The following ZNF704 variants were observed in gnomAD, a reference collection of about 807,000 sequenced individuals.
The protein encoded by ZNF704 is zinc finger protein 704, also known as glucocorticoid induced gene 1.
In ZNF704, 10 loss-of-function variants were observed where a neutral mutation model predicts 44.7. That is an observed-to-expected ratio of 0.22 (90% CI 0.14 to 0.38). The LOEUF (loss-of-function observed/expected upper bound fraction) is 0.38. Ranked by LOEUF, ZNF704 falls within the 10% of genes least tolerant of loss-of-function variation. ZNF704 has a pLI of 1.00. For missense variants in ZNF704, 390 were observed against 545.5 expected (o/e 0.71, Z 2.84); for synonymous variants, 211 against 207.6 (o/e 1.02, Z -0.14).
chr8:80,775,174 T>C (rs953714434), intron 2 of ZNF704, among the ~76,000 whole-genome samples: 2 of 152,172 alleles, frequency 1.3e-5, no homozygotes, highest in African/African-American at 4.8e-5. Context: ...CCCAACAAAG[T>C]AGTTGGTATT....
intron 2 of ZNF704, among the ~76,000 whole-genome samples, chr8:80,731,471 C>G (rs1806580776): frequency 6.6e-6 from 1 of 152,026 alleles, no homozygotes; most frequent in African/African-American, 2.4e-5. Flanking sequence ...ATAAATACAC[C>G]ATAACATTAA....
intron 2 of ZNF704, among the ~76,000 whole-genome samples, chr8:80,809,599 C>T (rs1472142879): frequency 6.6e-6 from 1 of 152,142 alleles, no homozygotes; most frequent in Non-Finnish European, 1.5e-5. Flanking sequence ...AAGCAAAGCT[C>T]GCCTTGAGAA....
At chr8:80,684,259 CT>C (rs1818498810) in intron 4 of ZNF704, among the ~76,000 whole-genome samples, 1 of 152,184 alleles carries the variant, frequency 6.6e-6, no homozygotes. Context: ...AGCTTCCAAA[CT>C]TTTTTGCTCA....
At chr8:80,729,196 A>G (rs1488335290) in intron 2 of ZNF704, among the ~76,000 whole-genome samples, 1 of 152,122 alleles carries the variant, frequency 6.6e-6, no homozygotes, top group African/African-American at 2.4e-5. Context: ...GATAAGAAAG[A>G]GCAGATGGAG....
upstream of ZNF704, among the ~76,000 whole-genome samples, chr8:80,878,321 G>A (rs1809386796): frequency 6.7e-6 from 1 of 150,296 alleles, no homozygotes; most frequent in African/African-American, 2.5e-5. Context: ...AGAAAATCAG[G>A]CTCAATTTGA....
chr8:80,738,423 T>C (rs951655425), intron 2 of ZNF704, among the ~76,000 whole-genome samples: 8 of 152,206 alleles, frequency 5.3e-5, no homozygotes, highest in African/African-American at 1.9e-4. Context: ...ATTTATTCTA[T>C]TATTTAATGT....
intron 5 of ZNF704, 139 bp downstream of exon 5, chr8:80,670,364 A>T: frequency 3.3e-6 from 2 of 609,268 alleles, no homozygotes; most frequent in Non-Finnish European, 6.0e-6. Context: ...TGCAGTGGCC[A>T]TCTCTCTAGA....
intron 1 of ZNF704, among the ~76,000 whole-genome samples, chr8:80,859,443 A>G (rs1033259698): frequency 6.6e-6 from 1 of 152,172 alleles, no homozygotes; most frequent in African/African-American, 2.4e-5. Context: ...CAAGTGTTGG[A>G]GTAACAGCTG....
At chr8:80,841,053 T>C (rs1051417562) in intron 1 of ZNF704, among the ~76,000 whole-genome samples, 1 of 152,048 alleles carries the variant, frequency 6.6e-6, no homozygotes, top group Non-Finnish European at 1.5e-5. Context: ...TCCAACCACA[T>C]CACAAGTCTG....
At chr8:80,828,501 C>A (rs537296857) in intron 1 of ZNF704, among the ~76,000 whole-genome samples, 31 of 152,302 alleles carry the variant, frequency 2.0e-4, no homozygotes, top group African/African-American at 6.7e-4. Context: ...AAAATATGCA[C>A]AATCATGAGA....
intron 1 of ZNF704, among the ~76,000 whole-genome samples, chr8:80,853,469 A>C (rs1471428886): frequency 6.6e-6 from 1 of 152,224 alleles, no homozygotes; most frequent in East Asian, 1.9e-4. Context: ...TATTGCTTCT[A>C]TAATAAGAAA....
intron 2 of ZNF704, among the ~76,000 whole-genome samples, chr8:80,756,927 T>G (rs188494387): frequency 3.3e-5 from 5 of 152,194 alleles, no homozygotes; most frequent in Admixed American, 3.3e-4. Context: ...GCAAGTATTA[T>G]GAAGTCTCTC....
intron 2 of ZNF704, among the ~76,000 whole-genome samples, chr8:80,773,873 A>C (rs937036626): frequency 1.3e-5 from 2 of 152,074 alleles, no homozygotes; most frequent in South Asian, 2.1e-4. Flanking sequence ...CTGCTTTAAA[A>C]TCTTTGTCAG....
At chr8:80,654,099 C>T (rs1426763661) in intron 7 of ZNF704, among the ~76,000 whole-genome samples, 3 of 152,044 alleles carry the variant, frequency 2.0e-5, no homozygotes, top group East Asian at 3.9e-4. Flanking sequence ...AAAGGATTCC[C>T]TATTTAATAA....
intron 2 of ZNF704, among the ~76,000 whole-genome samples, chr8:80,700,936 GAGAC>G (rs1421690857): frequency 6.6e-5 from 10 of 151,824 alleles, no homozygotes; most frequent in Non-Finnish European, 1.3e-4. Flanking sequence ...CCATCTCCCA[GAGAC>G]AGCCAGTCTC....
intron 1 of ZNF704, among the ~76,000 whole-genome samples, chr8:80,831,374 C>G (rs1325934481): frequency 6.6e-6 from 1 of 151,906 alleles, no homozygotes; most frequent in Non-Finnish European, 1.5e-5. Flanking sequence ...ATTTTTTTTC[C>G]CAATTTGTAC....
rs183502357 is a variant in ZNF704 at position 80,797,258 on chromosome 8, G to C, written c.221+24116C>G. Among the ~76,000 whole-genome samples, 187 of 152,266 alleles carry C rather than the reference G, an allele frequency of 1.2e-3. 2 individuals are homozygous for C. Among genetic ancestry groups the C allele is most frequent in the African/African-American group, 4.4e-3 (183 of 41,552 alleles). ...GTAGCTTTATAGTTCTGGGGTCTTG[G>C]TGTTGGCCCTGCTCTCACAGCTCCA... On this transcript the variant is annotated intron_variant, in intron 2 of 8. Coordinates refer to ENST00000327835, the MANE Select transcript of ZNF704 (RefSeq NM_001033723.3).
intron 7 of ZNF704, among the ~76,000 whole-genome samples, chr8:80,655,058 G>A (rs1284375712): frequency 2.0e-5 from 3 of 152,112 alleles, no homozygotes; most frequent in African/African-American, 7.2e-5. Context: ...GGATGAAGCT[G>A]GAAACCATCA....
At chr8:80,789,839 C>T (rs1016948581) in intron 2 of ZNF704, among the ~76,000 whole-genome samples, 12 of 152,136 alleles carry the variant, frequency 7.9e-5, no homozygotes, top group Non-Finnish European at 1.2e-4. Flanking sequence ...AAAGCTTCTG[C>T]CAGTATCTCA....
Sources: allele counts gnomAD v4.1 joint callset (sites outside exome capture counted in the v4.1 genomes callset), GRCh38; gene constraint gnomAD v4.1.1; transcripts MANE v1.5; gene names NCBI Gene and HGNC (gene_info 2026-07-23, HGNC 2026-07-21).